WDR72: variants seen among roughly 807,000 people sequenced by gnomAD.
WDR72 encodes WD repeat-containing protein 72.
Under a neutral mutation model 124.2 loss-of-function variants are expected in WDR72, and 120 were observed. The ratio of observed to expected loss-of-function variants is 0.97; its 90% CI spans 0.83 to 1.12. The LOEUF is 1.12. WDR72 is among the 50% of genes most tolerant of loss of function. The probability of loss-of-function intolerance (pLI) is 0.00; values close to 1 mark genes in which losing one functional copy is unlikely to be tolerated. For synonymous variants in WDR72, 452 were observed against 441.7 expected, an observed-to-expected ratio of 1.02 and a Z score of -0.29; for missense variants, 1,387 against 1,278.8, an observed-to-expected ratio of 1.08 and a Z score of -1.29.
intron 14 of WDR72, among the ~76,000 whole-genome samples, chr15:53,634,195 C>T (rs1160204104): frequency 1.3e-5 from 2 of 152,140 alleles, no homozygotes; most frequent in Admixed American, 1.3e-4. Flanking sequence ...CAAAAATAGT[C>T]AGTCTCTGGA....
At position 53,715,290 on chromosome 15, in the gene WDR72, A is replaced by G. The variant is rs1014861795; in HGVS notation, c.417T>C (p.Ile139=). 1.2e-6 allele frequency: 2 copies of G among 1,614,164 alleles called. No homozygotes were observed. Among genetic ancestry groups the G allele is most frequent in the Admixed American group, 3.3e-5 (2 of 60,028 alleles). The change falls in exon 5 of 20, where the codon ATT becomes ATC. Residue 139 remains isoleucine (I), a synonymous_variant. Coordinates refer to ENST00000360509, the MANE Select transcript of WDR72 (RefSeq NM_182758.4). ...GAACAACAGCCAAAGTTTTGGCATC[A>G]ATTATAAGGACATCTTGATATTCTC... is the stretch of plus-strand genomic sequence containing the variant. ...CCGEYQDVLI[I]DAKTLAVVHS...
At chr15:53,676,254 T>C (rs949771124) in intron 13 of WDR72, among the ~76,000 whole-genome samples, 3 of 152,206 alleles carry the variant, frequency 2.0e-5, no homozygotes, top group Non-Finnish European at 4.4e-5. Flanking sequence ...GTCATCCTTA[T>C]GTGATTCCCT....
chr15:53,533,496 AAACCAAGG>A (rs1892595415), intron 18 of WDR72, among the ~76,000 whole-genome samples: 1 of 152,028 alleles, frequency 6.6e-6, no homozygotes, highest in Non-Finnish European at 1.5e-5. Flanking sequence ...CATACCCCTA[AAACCAAGG>A]TCTGATCATG....
chr15:53,593,484 G>T (rs188340152), intron 18 of WDR72, among the ~76,000 whole-genome samples: 2 of 152,150 alleles, frequency 1.3e-5, no homozygotes, highest in East Asian at 3.9e-4. Flanking sequence ...GTTTCAAAGA[G>T]TAAGATGTAT....
intron 18 of WDR72, among the ~76,000 whole-genome samples, chr15:53,536,372 T>C (rs934303942): frequency 1.3e-5 from 2 of 152,134 alleles, no homozygotes; most frequent in Admixed American, 6.5e-5. Flanking sequence ...TGTTGAATGG[T>C]TGGATTGGCA....
At chr15:53,630,416 A>G (rs2014380612) in intron 14 of WDR72, among the ~76,000 whole-genome samples, 1 of 152,180 alleles carries the variant, frequency 6.6e-6, no homozygotes, top group African/African-American at 2.4e-5. Context: ...CAAGATAAGA[A>G]AAGTACAGAC....
intron 18 of WDR72, among the ~76,000 whole-genome samples, chr15:53,563,107 G>A (rs1894181436): frequency 1.3e-5 from 2 of 151,572 alleles, no homozygotes; most frequent in Non-Finnish European, 3.0e-5. Flanking sequence ...CATCACTTTC[G>A]GAAAGAAATT....
intron 17 of WDR72, among the ~76,000 whole-genome samples, chr15:53,608,044 C>G (rs895434443): frequency 1.3e-5 from 2 of 152,088 alleles, no homozygotes. Flanking sequence ...AGAAAATCCA[C>G]TGTTGGTGGA....
chr15:53,621,429 T>TTATATATATATATATATA (rs1566988971), intron 14 of WDR72, among the ~76,000 whole-genome samples: 1 of 78,470 alleles, frequency 1.3e-5, no homozygotes, highest in African/African-American at 8.2e-5. Context: ...AAAGAAACTG[T>TTATATATATATATATATA]GATATATATA....
At chr15:53,634,780 C>A (rs746280738) in intron 14 of WDR72, among the ~76,000 whole-genome samples, 1 of 152,182 alleles carries the variant, frequency 6.6e-6, no homozygotes, top group African/African-American at 2.4e-5. Flanking sequence ...AACAATAAAG[C>A]AAAGTAAGTT....
intron 13 of WDR72, among the ~76,000 whole-genome samples, chr15:53,689,458 T>C (rs2016761600): frequency 1.3e-5 from 2 of 148,950 alleles, no homozygotes; most frequent in East Asian, 3.9e-4. Context: ...AAAAAACACA[T>C]GAAAAAATGC....
intron 13 of WDR72, among the ~76,000 whole-genome samples, chr15:53,695,813 T>C (rs1365313548): frequency 6.6e-6 from 1 of 152,162 alleles, no homozygotes; most frequent in Non-Finnish European, 1.5e-5. Context: ...CTCTAGAATA[T>C]GCTTACGTAT....
intron 14 of WDR72, among the ~76,000 whole-genome samples, chr15:53,643,397 C>T (rs1252096818): frequency 3.9e-5 from 6 of 152,030 alleles, no homozygotes; most frequent in Non-Finnish European, 5.9e-5. Flanking sequence ...TACACAGACA[C>T]GCTATGAGGA....
chr15:53,678,741 G>T (rs1327150113), intron 13 of WDR72, among the ~76,000 whole-genome samples: 2 of 152,124 alleles, frequency 1.3e-5, no homozygotes, highest in Non-Finnish European at 2.9e-5. Context: ...ATGCCACAAG[G>T]TTCTATCCCC....
intron 18 of WDR72, among the ~76,000 whole-genome samples, chr15:53,544,702 G>C (rs1242211334): frequency 1.4e-5 from 2 of 144,590 alleles, no homozygotes; most frequent in Non-Finnish European, 3.0e-5. Flanking sequence ...TATTCAATTA[G>C]GAAAAGAGGA....
intron 13 of WDR72, among the ~76,000 whole-genome samples, chr15:53,685,484 A>T (rs867883099): frequency 7.2e-6 from 1 of 139,260 alleles, no homozygotes; most frequent in African/African-American, 2.8e-5. Flanking sequence ...AAATGAATGA[A>T]ATGAAGCGAG....
At position 53,744,233 on chromosome 15, in the gene WDR72, C is replaced by A. The variant is rs181097510; in HGVS notation, c.-12-11072G>T. ...GGGTGAGAGGAACTGAAACTTTCAA[C>A]CTGGTGTATACGAAAATAATTATTT... On this transcript the variant is annotated intron_variant, in intron 1 of 19. Transcript: ENST00000360509. Among the ~76,000 whole-genome samples the A allele has an allele frequency of 6.9e-3, 1,043 of 152,196 alleles. 7 individuals are homozygous for A. The highest frequency in any genetic ancestry group is 0.01 in the Middle Eastern group (3 of 294).
rs1283802229 is a variant in WDR72, at chr15:53,698,005, CTTA to C, written c.1765+1742_1765+1744del. On this transcript the variant is annotated intron_variant, in intron 13 of 19. Transcript: ENST00000360509. ...TTTATATTTTTAGTAGACAAGAGCACTTATTAAGTAGTAGGATAGGATTATTTG... is the reference window on the plus strand; with the variant it reads ...TTTATATTTTTAGTAGACAAGAGCACTTAAGTAGTAGGATAGGATTATTTG... Among the ~76,000 whole-genome samples, 3 of 151,944 alleles carry C rather than the reference CTTA, an allele frequency of 2.0e-5. No homozygotes were observed. The East Asian group carries it at 5.8e-4, about 29-fold the overall frequency.
intron 17 of WDR72, among the ~76,000 whole-genome samples, chr15:53,599,063 G>A (rs1234877648): frequency 1.3e-5 from 2 of 151,936 alleles, no homozygotes; most frequent in Non-Finnish European, 2.9e-5. Flanking sequence ...GGCAGAGGAT[G>A]CAGTGAGCCC....
Sources: gnomAD v4.1 joint callset for allele counts (sites outside exome capture counted in the v4.1 genomes callset) on GRCh38, gnomAD v4.1.1 for gene constraint, MANE v1.5 for transcripts, NCBI Gene and HGNC (gene_info 2026-07-23, HGNC 2026-07-21) for gene names.